Variants in TRPM3 observed in about 807,000 individuals in gnomAD.
TRPM3 encodes long transient receptor potential channel 3.
TRPM3 carries 77 observed loss-of-function variants against 181.2 expected under a neutral mutation model. The observed-to-expected ratio is 0.42, with a 90% CI of 0.35 to 0.51. TRPM3 has a LOEUF of 0.51. TRPM3 is among the 20% of genes least tolerant of loss of function. TRPM3 has a pLI of 0.01. For missense variants in TRPM3, 1,759 were observed against 2,196.7 expected (o/e 0.80, Z 3.98); for synonymous variants, 745 against 796.4 (o/e 0.94, Z 1.09).
chr9:70,663,818 C>A (rs2061446243), intron 9 of TRPM3, among the ~76,000 whole-genome samples: 1 of 152,150 alleles, frequency 6.6e-6, no homozygotes, highest in Non-Finnish European at 1.5e-5. Context: ...TGTCTGGTTA[C>A]CCTTTACTGG....
chr9:71,437,484 A>G (rs2094059501), intron 1 of TRPM3, among the ~76,000 whole-genome samples: 1 of 152,240 alleles, frequency 6.6e-6, no homozygotes, highest in Non-Finnish European at 1.5e-5. Flanking sequence ...GAACACAGCC[A>G]TGACCATTTA....
At chr9:71,144,099 T>C (rs2075280000) in intron 1 of TRPM3, among the ~76,000 whole-genome samples, 1 of 152,188 alleles carries the variant, frequency 6.6e-6, no homozygotes, top group Non-Finnish European at 1.5e-5. Context: ...CTCTATGTCT[T>C]AACACAACGA....
chr9:71,396,666 GAA>G (rs386415047), intron 1 of TRPM3, among the ~76,000 whole-genome samples: 2 of 139,664 alleles, frequency 1.4e-5, no homozygotes. Flanking sequence ...CCTCTTTAAG[GAA>G]AAAAAAAAAA....
chr9:71,073,867 T>C (rs1289729887), intron 1 of TRPM3, among the ~76,000 whole-genome samples: 3 of 152,356 alleles, frequency 2.0e-5, no homozygotes, highest in East Asian at 3.9e-4. Context: ...ATCTTACTTT[T>C]ATTTCCCTGG....
chr9:70,658,821 T>G (rs1407581433), intron 9 of TRPM3, among the ~76,000 whole-genome samples: 1 of 152,014 alleles, frequency 6.6e-6, no homozygotes, highest in African/African-American at 2.4e-5. Context: ...TCAGGACTCA[T>G]GGAGAGCTGA....
At chr9:71,412,356 A>G (rs1565547397) in intron 1 of TRPM3, among the ~76,000 whole-genome samples, 1 of 152,214 alleles carries the variant, frequency 6.6e-6, no homozygotes, top group Non-Finnish European at 1.5e-5. Flanking sequence ...CCACCTGACA[A>G]AGGGCTAATA....
At chr9:70,904,332 GAAA>G (rs756602295) in intron 1 of TRPM3, among the ~76,000 whole-genome samples, 1 of 151,868 alleles carries the variant, frequency 6.6e-6, no homozygotes, top group Non-Finnish European at 1.5e-5. Context: ...TGTCTGATAA[GAAA>G]AAAAAGTCTT....
intron 1 of TRPM3, among the ~76,000 whole-genome samples, chr9:71,246,293 A>C (rs138313944): frequency 6.6e-6 from 1 of 152,366 alleles, no homozygotes; most frequent in Non-Finnish European, 1.5e-5. Context: ...TTTAGAAAAC[A>C]ATTAGAAAAG....
chr9:70,581,575 T>A (rs1034822425), intron 22 of TRPM3, among the ~76,000 whole-genome samples: 2 of 152,236 alleles, frequency 1.3e-5, no homozygotes, highest in African/African-American at 4.8e-5. Flanking sequence ...TGTGTGGAGA[T>A]CAGTCTATTT....
chr9:71,256,072 T>A (rs1283976274), intron 1 of TRPM3, among the ~76,000 whole-genome samples: 4 of 152,204 alleles, frequency 2.6e-5, no homozygotes, highest in African/African-American at 7.2e-5. Flanking sequence ...CTATCTCTTT[T>A]CTCTTTTATT....
In TRPM3 at chr9:71,422,103, T is replaced by C. The variant is rs1194340036; in HGVS notation, c.183+24550A>G. Among the ~76,000 whole-genome samples the C allele has an allele frequency of 3.3e-5, 5 of 152,032 alleles. No individual in the cohort carries two copies. The South Asian group carries it at 8.3e-4, about 25-fold the overall frequency. On this transcript the variant is annotated intron_variant, in intron 1 of 24. Coordinates refer to the TRPM3 transcript ENST00000357533. ...AAATATACATGTTAATAAACTTCTGTTTGGTTTTCTCTTGTTAACTTGTTA... is the reference window on the plus strand; with the variant it reads ...AAATATACATGTTAATAAACTTCTGCTTGGTTTTCTCTTGTTAACTTGTTA...
At chr9:71,185,418 A>G (rs1390874943) in intron 1 of TRPM3, among the ~76,000 whole-genome samples, 1 of 152,110 alleles carries the variant, frequency 6.6e-6, no homozygotes, top group Non-Finnish European at 1.5e-5. Flanking sequence ...AAGAAAACAA[A>G]ACAGAAACAG....
intron 22 of TRPM3, among the ~76,000 whole-genome samples, chr9:70,581,326 T>C (rs2055592529): frequency 6.6e-6 from 1 of 152,256 alleles, no homozygotes; most frequent in Admixed American, 6.5e-5. Context: ...GGCCTGATGT[T>C]CTAGATATCA....
In TRPM3 at chr9:70,979,878, G is replaced by A. The variant is rs71505917; in HGVS notation, c.178-115367C>T. Among the ~76,000 whole-genome samples, 514 of 152,208 alleles carry A rather than the reference G, an allele frequency of 3.4e-3. 4 individuals are homozygous for A. Among genetic ancestry groups the A allele is most frequent in the African/African-American group, 0.012 (484 of 41,516 alleles). On this transcript the variant is annotated intron_variant, in intron 1 of 25. Transcript: ENST00000677713. ...CACTGTGTCCTCACTTGGTGGGGAG[G>A]GGGAGAGGAAGGGGTAGGGACACAG...
chr9:71,012,124 A>G (rs2134383810), intron 1 of TRPM3, among the ~76,000 whole-genome samples: 1 of 151,942 alleles, frequency 6.6e-6, no homozygotes, highest in Admixed American at 6.6e-5. Flanking sequence ...TTTTTGTTTT[A>G]TGCTTAGATC....
intron 1 of TRPM3, 64 bp downstream of exon 1, chr9:71,121,114 C>T: frequency 6.5e-7 from 1 of 1,538,012 alleles, no homozygotes; most frequent in Non-Finnish European, 8.9e-7. Context: ...GCCCAAGTCC[C>T]CAAGTTGGGT....
chr9:70,564,763 C>T (rs1003436099), intron 22 of TRPM3, among the ~76,000 whole-genome samples: 8 of 152,114 alleles, frequency 5.3e-5, no homozygotes, highest in Non-Finnish European at 1.2e-4. Context: ...TTGTCGACTC[C>T]CATTGCATTG....
At chr9:71,227,143 A>G (rs1325143910) in intron 1 of TRPM3, among the ~76,000 whole-genome samples, 20 of 150,666 alleles carry the variant, frequency 1.3e-4, no homozygotes, top group Non-Finnish European at 3.0e-5. Flanking sequence ...AGAGAAATAT[A>G]TCAAGTAACT....
At chr9:71,381,612 C>G (rs1284234141) in intron 1 of TRPM3, among the ~76,000 whole-genome samples, 2 of 152,104 alleles carry the variant, frequency 1.3e-5, no homozygotes, top group African/African-American at 4.8e-5. Flanking sequence ...GAACGTAAAC[C>G]TATGTAGCAG....
Sources: allele counts gnomAD v4.1 joint callset (sites outside exome capture counted in the v4.1 genomes callset), GRCh38; gene constraint gnomAD v4.1.1; transcripts MANE v1.5; gene names NCBI Gene and HGNC (gene_info 2026-07-23, HGNC 2026-07-21).